Variants in SLC9A9 observed in about 807,000 individuals in gnomAD.
SLC9A9 encodes the protein sodium/hydrogen exchanger 9.
In SLC9A9, 62 loss-of-function variants were observed where a neutral mutation model predicts 77.8. That is an observed-to-expected ratio of 0.80 (90% CI 0.65 to 0.98). The LOEUF (loss-of-function observed/expected upper bound fraction) is 0.98, where lower values mean the gene tolerates loss of function less well. Among genes scored for constraint, SLC9A9 ranks in the 50% least tolerant of loss-of-function variants. The pLI is 0.00. For synonymous variants in SLC9A9, 320 were observed against 283.5 expected, an observed-to-expected ratio of 1.13 and a Z score of -1.29; for missense variants, 775 against 774.9, an observed-to-expected ratio of 1.00 and a Z score of 0.00.
rs201680681 is a variant in SLC9A9, at chr3:143,559,757, G to GT, written c.1001-7308dup. Among the ~76,000 whole-genome samples, 1,516 of 152,174 alleles carry GT rather than the reference G, an allele frequency of 1.0e-2. 13 individuals are homozygous for GT. Among genetic ancestry groups the GT allele is most frequent in the Non-Finnish European group, 0.017 (1,148 of 67,990 alleles). ...CATATCTTCTACTCATAAGAACTTA[G>GT]TTTTTTCAAATAAGCTATGAGGTTT... On this transcript the variant is annotated intron_variant, in intron 8 of 15. Coordinates refer to ENST00000316549, the MANE Select transcript of SLC9A9 (RefSeq NM_173653.4).
chr3:143,314,208 T>C (rs1167529147), intron 14 of SLC9A9: 4 of 152,242 alleles, frequency 2.6e-5, no homozygotes, highest in Admixed American at 1.3e-4. Flanking sequence ...AGTAAATGTG[T>C]ATTGGACCAG....
At chr3:143,425,453 G>A (rs1486578193) in intron 12 of SLC9A9, among the ~76,000 whole-genome samples, 2 of 151,986 alleles carry the variant, frequency 1.3e-5, no homozygotes, top group Non-Finnish European at 2.9e-5. Flanking sequence ...AATGGCTGTC[G>A]GTTAACAATG....
intron 14 of SLC9A9, among the ~76,000 whole-genome samples, chr3:143,326,195 G>A (rs796839037): frequency 3.9e-5 from 6 of 152,058 alleles, no homozygotes; most frequent in African/African-American, 1.2e-4. Context: ...TTGAGGCATC[G>A]AGGTCACCAT....
chr3:143,495,992 G>T (rs1171580707), intron 9 of SLC9A9, among the ~76,000 whole-genome samples: 1 of 152,170 alleles, frequency 6.6e-6, no homozygotes, highest in African/African-American at 2.4e-5. Context: ...AGAGTGATCG[G>T]TATATTTCAA....
At chr3:143,841,754 C>CTTTTCTTTTCTTTTCTT (rs55981223) in intron 1 of SLC9A9, among the ~76,000 whole-genome samples, 2 of 149,316 alleles carry the variant, frequency 1.3e-5, no homozygotes, top group African/African-American at 2.5e-5. Context: ...TATAGAGGCT[C>CTTTTCTTTTCTTTTCTT]TTTTCTTTAT....
chr3:143,668,606 G>A (rs908328531), intron 5 of SLC9A9, among the ~76,000 whole-genome samples: 5 of 152,104 alleles, frequency 3.3e-5, no homozygotes, highest in Admixed American at 3.3e-4. Flanking sequence ...ATTATCACTG[G>A]TATTAGTTTG....
intron 9 of SLC9A9, among the ~76,000 whole-genome samples, chr3:143,527,146 C>T (rs1487352581): frequency 6.6e-6 from 1 of 152,142 alleles, no homozygotes; most frequent in Non-Finnish European, 1.5e-5. Context: ...CATTTCGGTG[C>T]CTGCATTTCT....
intron 6 of SLC9A9, among the ~76,000 whole-genome samples, chr3:143,583,420 A>G (rs922339839): frequency 1.8e-4 from 28 of 152,302 alleles, no homozygotes; most frequent in African/African-American, 6.7e-4. Context: ...TTTCACAGAC[A>G]TTATTGAGAC....
chr3:143,631,312 G>A (rs574824147), intron 6 of SLC9A9, among the ~76,000 whole-genome samples: 1 of 152,260 alleles, frequency 6.6e-6, no homozygotes, highest in South Asian at 2.1e-4. Flanking sequence ...GTTCACAGGA[G>A]AGCAACTACA....
At chr3:143,801,137 A>G (rs2008541245) in intron 2 of SLC9A9, among the ~76,000 whole-genome samples, 2 of 152,120 alleles carry the variant, frequency 1.3e-5, no homozygotes, top group South Asian at 4.1e-4. Context: ...ACAGATTTAG[A>G]GACTGCTCCC....
intron 12 of SLC9A9, among the ~76,000 whole-genome samples, chr3:143,403,935 A>G (rs1294640778): frequency 2.0e-5 from 3 of 152,132 alleles, no homozygotes; most frequent in Non-Finnish European, 4.4e-5. Context: ...TTCTCCTTCC[A>G]AAACTTCCAT....
intron 14 of SLC9A9, among the ~76,000 whole-genome samples, chr3:143,285,618 C>T (rs1232437506): frequency 6.6e-6 from 1 of 152,194 alleles, no homozygotes. Flanking sequence ...ACCTCCACTT[C>T]TCTGCATTCT....
At chr3:143,561,232 T>C (rs1023934248) in intron 8 of SLC9A9, among the ~76,000 whole-genome samples, 4 of 152,084 alleles carry the variant, frequency 2.6e-5, no homozygotes, top group African/African-American at 9.7e-5. Context: ...AATGTGAAAT[T>C]TTAGATTATT....
At chr3:143,408,593 A>G (rs2034031401) in intron 12 of SLC9A9, among the ~76,000 whole-genome samples, 1 of 152,234 alleles carries the variant, frequency 6.6e-6, no homozygotes, top group South Asian at 2.1e-4. Context: ...CAGATACCTG[A>G]ACCTTTTCTA....
chr3:143,469,317 C>A (rs1458431781), intron 11 of SLC9A9, among the ~76,000 whole-genome samples: 2 of 152,134 alleles, frequency 1.3e-5, no homozygotes, highest in African/African-American at 4.8e-5. Context: ...TTGGGTAACA[C>A]ACGACATGCA....
Position 143,579,452 on chromosome 3 carries a change from AT to A in SLC9A9, c.756-730del, listed in dbSNP as rs922512424. Among the ~76,000 whole-genome samples the A allele has an allele frequency of 3.3e-5, 5 of 152,102 alleles. No homozygotes were observed. The East Asian group carries it at 7.7e-4, about 23-fold the overall frequency. ...TATTATTGAGGATGTCATATAAGCT[AT>A]TTTTTTTAAAACCAGGGCCTCAGAT... On this transcript the variant is annotated intron_variant, in intron 6 of 15. Coordinates refer to ENST00000316549, the MANE Select transcript of SLC9A9 (RefSeq NM_173653.4).
At chr3:143,589,499 G>A (rs1466531751) in intron 6 of SLC9A9, among the ~76,000 whole-genome samples, 2 of 151,868 alleles carry the variant, frequency 1.3e-5, no homozygotes, top group East Asian at 3.8e-4. Context: ...GGTTATAACT[G>A]CCTACAATAT....
intron 14 of SLC9A9, among the ~76,000 whole-genome samples, chr3:143,344,276 T>C (rs190128534): frequency 2.6e-4 from 39 of 152,216 alleles, no homozygotes; most frequent in Non-Finnish European, 3.4e-4. Context: ...TCTCAAACAA[T>C]TCAATATCCT....
Position 143,827,322 on chromosome 3 carries a change from T to A in SLC9A9, c.378+4697A>T, listed in dbSNP as rs147643518. 2.4e-3 allele frequency among the ~76,000 whole-genome samples: 372 copies of A among 152,344 alleles called. 2 individuals are homozygous for A. The highest frequency in any genetic ancestry group is 8.2e-3 in the African/African-American group (340 of 41,582). The stretch of plus-strand genomic sequence containing the variant: ...GAACAGATACAGAGCAACATGGTCT[T>A]GTTTTATCCTCTTAGAAGGTTGTTT... On this transcript the variant is annotated intron_variant, in intron 2 of 15. Transcript: ENST00000316549.
Sources: allele counts gnomAD v4.1 joint callset (sites outside exome capture counted in the v4.1 genomes callset), GRCh38; gene constraint gnomAD v4.1.1; transcripts MANE v1.5; gene names NCBI Gene and HGNC (gene_info 2026-07-23, HGNC 2026-07-21).